ENPP1: variants seen among roughly 807,000 people sequenced by gnomAD.
The protein encoded by ENPP1 is ectonucleotide pyrophosphatase/phosphodiesterase 1, also known as ectonucleotide pyrophosphatase/phosphodiesterase family member 1.
A neutral mutation model predicts 122.8 loss-of-function variants in ENPP1; 73 were observed. The ratio of observed to expected loss-of-function variants is 0.59; its 90% confidence interval spans 0.49 to 0.72. The LOEUF is 0.72. Among genes scored for constraint, ENPP1 ranks in the 30% least tolerant of loss-of-function variants. The pLI is 0.00. For synonymous variants in ENPP1, 367 were observed against 391.6 expected, an observed-to-expected ratio of 0.94 and a Z score of 0.74; for missense variants, 978 against 1,128.1, an observed-to-expected ratio of 0.87 and a Z score of 1.91.
At chr6:131,883,821 A>G in intron 22 of ENPP1, 47 bp downstream of exon 22, 1 of 937,912 alleles carries the variant, frequency 1.1e-6, no homozygotes. Flanking sequence ...GAATTTGTGC[A>G]CATATAGGCA....
Position 131,883,676 on chromosome 6 carries a change from C to A in ENPP1, c.2231-18C>A. Reference sequence around the variant, plus strand: ...TATTTGTGAAGAATGAAAAAGTTGTCCTCTTTTCTCTTTGTAGAACTAAAT... The same window carrying A: ...TATTTGTGAAGAATGAAAAAGTTGTACTCTTTTCTCTTTGTAGAACTAAAT... On this transcript the variant is annotated intron_variant, in intron 21 of 24. Transcript: ENST00000647893. 2.6e-6 allele frequency: 3 copies of A among 1,149,752 alleles called. No individual in the cohort carries two copies. The highest frequency in any genetic ancestry group is 2.5e-5 in the South Asian group (2 of 80,580). 71.2% of individuals were successfully genotyped at this position (1,149,752 alleles called of 1,614,324 possible). A position where few individuals can be genotyped will look rare whatever the true frequency, so the allele number is the denominator to read the frequency against.
chr6:131,821,830 C>T (rs556518070), intron 1 of ENPP1, among the ~76,000 whole-genome samples: 1 of 152,184 alleles, frequency 6.6e-6, no homozygotes, highest in Non-Finnish European at 1.5e-5. Context: ...GTATACTTGA[C>T]ACAAAACCAA....
intron 1 of ENPP1, among the ~76,000 whole-genome samples, chr6:131,815,871 A>AT (rs750091125): frequency 0.072 from 8,341 of 115,798 alleles, 831 homozygotes; most frequent in African/African-American, 0.24. Context: ...CACCTGGCTA[A>AT]TTTTTTTTTT....
Position 131,873,849 on chromosome 6 carries a change from C to CTTTCATATATA in ENPP1, c.1566-418_1566-417insTTCATATATAT, listed in dbSNP as rs550703828. On this transcript the variant is annotated intron_variant, in intron 15 of 24. Transcript: ENST00000647893. ...TATATATATGAAAGGAGAAATGGTCCTATCTTCATGAGAGAACTAATATTT... is the reference window on the plus strand; with the variant it reads ...TATATATATGAAAGGAGAAATGGTCCTTTCATATATATATCTTCATGAGAGAACTAATATTT... 1.0e-3 allele frequency among the ~76,000 whole-genome samples: 156 copies of CTTTCATATATA among 152,038 alleles called. 7 individuals are homozygous for CTTTCATATATA. In the South Asian group the frequency reaches 0.032, roughly 31 times the overall value.
At chr6:131,872,137 T>A in intron 14 of ENPP1, 36 bp downstream of exon 14, 1 of 1,390,324 alleles carries the variant, frequency 7.2e-7, no homozygotes, top group Non-Finnish European at 1.0e-6. Flanking sequence ...TAGTTATTTT[T>A]ACTTTTGTAT....
intron 23 of ENPP1, among the ~76,000 whole-genome samples, chr6:131,886,055 G>A (rs1010001510): frequency 6.6e-6 from 1 of 152,200 alleles, no homozygotes; most frequent in African/African-American, 2.4e-5. Context: ...GGACATCTTT[G>A]ATAATATACT....
chr6:131,816,413 G>T (rs1055964027), intron 1 of ENPP1, among the ~76,000 whole-genome samples: 2 of 152,166 alleles, frequency 1.3e-5, no homozygotes, highest in African/African-American at 4.8e-5. Flanking sequence ...TAGCAAATGA[G>T]CTCAGGGCCG....
intron 15 of ENPP1, 114 bp from the exon 16 acceptor site, chr6:131,874,154 T>G: frequency 1.3e-6 from 1 of 747,756 alleles, no homozygotes; most frequent in South Asian, 1.5e-5. Context: ...TTTACCGTTG[T>G]GTTGGTTTAA....
Position 131,875,845 on chromosome 6 carries a change from G to C in ENPP1, c.1705G>C (p.Val569Leu). 3.1e-6 allele frequency: 5 copies of C among 1,613,046 alleles called. No homozygotes were observed. Among genetic ancestry groups the C allele is most frequent in the Non-Finnish European group, 4.2e-6 (5 of 1,179,068 alleles). ...IEADTFENIE[V>L]YNLMCDLLNL... is the part of the protein sequence containing the mutation. ...GGCTGACACCTTTGAAAACATTGAA[G>C]TCTATAACTTAATGTGTGGTAAGTG... is the stretch of plus-strand genomic sequence containing the variant. Residue 569 changes from valine (V) to leucine (L), a missense_variant, in exon 17 of 25, where the codon GTC becomes CTC. Physicochemically the swap from Val to Leu is conservative, Grantham distance 32. This residue lies in a region of ENPP1 where 644 missense variants were observed against 781.5 expected (regional missense o/e 0.82). Transcript: ENST00000647893.
intron 23 of ENPP1, among the ~76,000 whole-genome samples, chr6:131,886,330 A>G (rs1420907087): frequency 1.3e-5 from 2 of 152,252 alleles, no homozygotes; most frequent in East Asian, 1.9e-4. Flanking sequence ...CTAAAAGTCA[A>G]TAAACTTCTA....
chr6:131,856,148 A>C (rs1781943025), intron 6 of ENPP1, among the ~76,000 whole-genome samples: 1 of 152,268 alleles, frequency 6.6e-6, no homozygotes, highest in East Asian at 1.9e-4. Flanking sequence ...AATGTTTTGC[A>C]TAAAAAGTCT....
At chr6:131,842,522 C>G (rs566758337) in intron 1 of ENPP1, among the ~76,000 whole-genome samples, 1 of 152,026 alleles carries the variant, frequency 6.6e-6, no homozygotes, top group African/African-American at 2.4e-5. Flanking sequence ...AATCTAAATA[C>G]ATTGCATCTT....
chr6:131,875,754 A>T (rs768527872), intron 16 of ENPP1, 22 bp from the exon 17 acceptor site: 1 of 1,605,194 alleles, frequency 6.2e-7, no homozygotes. Context: ...GCACTGATAA[A>T]CTTCCTTTTC....
In ENPP1 at chr6:131,868,080, G is replaced by A; in HGVS notation, c.1227G>A (p.Glu409=). Residue 409 remains glutamate, a synonymous_variant, in exon 12 of 25, where the codon GAG becomes GAA. Coordinates refer to ENST00000647893, the MANE Select transcript of ENPP1 (RefSeq NM_006208.3). The stretch of plus-strand genomic sequence containing the variant: ...GTATGCTGATGGATGGTCTGAAAGA[G>A]CTGAACTTGCACAGATGCCTGAACC... ...MVGMLMDGLK[E]LNLHRCLNLI... 1.9e-6 allele frequency: 3 copies of A among 1,613,782 alleles called. No homozygotes were observed. Among genetic ancestry groups the A allele is most frequent in the African/African-American group, 1.3e-5 (1 of 75,014 alleles).
Position 131,824,469 on chromosome 6 carries a change from G to GTTGTTGTT in ENPP1, c.240+16196_240+16197insGTTGTTTT, listed in dbSNP as rs57062044. Among the ~76,000 whole-genome samples, 400 of 151,330 alleles carry GTTGTTGTT rather than the reference G, an allele frequency of 2.6e-3. 1 individual carries two copies. The highest frequency in any genetic ancestry group is 0.013 in the East Asian group (64 of 5,052). On this transcript the variant is annotated intron_variant, in intron 1 of 24. Coordinates refer to ENST00000647893, the MANE Select transcript of ENPP1 (RefSeq NM_006208.3). ...TGTTGTTGTTGTTGTTGTTGTTGTT[G>GTTGTTGTT]TTTGAGACGGAGTCTCTCTCTGTCA...
chr6:131,863,927 G>A (rs55893997), intron 9 of ENPP1, among the ~76,000 whole-genome samples: 6,997 of 151,908 alleles, frequency 0.046, 244 homozygotes, highest in African/African-American at 0.092. Context: ...AAAAAACAAA[G>A]AAGAGTTTGT....
chr6:131,817,006 A>G (rs1781422383), intron 1 of ENPP1, among the ~76,000 whole-genome samples: 1 of 152,230 alleles, frequency 6.6e-6, no homozygotes, highest in African/African-American at 2.4e-5. Flanking sequence ...CTCAGTGATT[A>G]TGATTTAATA....
chr6:131,885,543 G>A (rs535902673), intron 23 of ENPP1, among the ~76,000 whole-genome samples: 21 of 152,188 alleles, frequency 1.4e-4, no homozygotes, highest in Non-Finnish European at 1.8e-4. Context: ...AAAAGCAACC[G>A]TCTGAAGGAA....
At chr6:131,815,873 T>C (rs1781407353) in intron 1 of ENPP1, among the ~76,000 whole-genome samples, 1 of 38,834 alleles carries the variant, frequency 2.6e-5, no homozygotes, top group African/African-American at 9.3e-5. Flanking sequence ...CCTGGCTAAT[T>C]TTTTTTTTTT....
Sources: allele counts gnomAD v4.1 joint callset (sites outside exome capture counted in the v4.1 genomes callset), GRCh38; gene constraint gnomAD v4.1.1; regional missense constraint gnomAD v4.1.1; transcripts MANE v1.5; gene names NCBI Gene and HGNC (gene_info 2026-07-23, HGNC 2026-07-21).